AXL: variants seen among roughly 807,000 people sequenced by gnomAD.
AXL encodes tyrosine-protein kinase receptor UFO.
AXL carries 52 observed loss-of-function variants against 104.5 expected under a neutral mutation model. The ratio of observed to expected loss-of-function variants is 0.50; its 90% CI spans 0.40 to 0.63. The LOEUF (loss-of-function observed/expected upper bound fraction) is 0.63. Among genes scored for constraint, AXL ranks in the 20% least tolerant of loss-of-function variants. AXL has a pLI of 0.00. For synonymous variants in AXL, 455 were observed against 473.7 expected (o/e 0.96, Z 0.51); for missense variants, 1,024 against 1,188.5 (o/e 0.86, Z 2.04).
At chr19:41,239,503 TTTACCCGTGCCACACCCTCACTCCC>T (rs1386684105) in intron 9 of AXL, among the ~76,000 whole-genome samples, 166 bp from the exon 10 acceptor site, 20 of 140,876 alleles carry the variant, frequency 1.4e-4, no homozygotes, top group East Asian at 6.3e-4. Flanking sequence ...GCCTCACTCC[TTTACCCGTGCCACACCCTCACTCCC>T]TTACCCGTGC....
intron 1 of AXL, 76 bp from the exon 2 acceptor site, chr19:41,220,560 G>A (rs2033771139): frequency 2.2e-6 from 3 of 1,341,740 alleles, no homozygotes; most frequent in Non-Finnish European, 3.1e-6. Context: ...CCGGTGGGCA[G>A]GCAAGGACAG....
intron 7 of AXL, 25 bp downstream of exon 7, chr19:41,238,179 G>A (rs752897557): frequency 2.4e-5 from 38 of 1,609,098 alleles, no homozygotes; most frequent in Non-Finnish European, 3.0e-5. Context: ...GGAGGGACAC[G>A]TCACCACTGC....
intron 6 of AXL, among the ~76,000 whole-genome samples, chr19:41,232,198 T>C (rs763021521): frequency 2.0e-5 from 3 of 152,158 alleles, no homozygotes; most frequent in Non-Finnish European, 4.4e-5. Flanking sequence ...GCTGTCCCAG[T>C]CACCACTGGC....
intron 4 of AXL, among the ~76,000 whole-genome samples, chr19:41,222,654 C>T (rs959494535): frequency 6.6e-6 from 1 of 152,184 alleles, no homozygotes; most frequent in Admixed American, 6.5e-5. Flanking sequence ...CGCCTGTAAT[C>T]CCAGCACTTT....
chr19:41,233,250 A>C (rs2034023226), intron 6 of AXL, among the ~76,000 whole-genome samples: 2 of 152,026 alleles, frequency 1.3e-5, no homozygotes, highest in African/African-American at 4.8e-5. Context: ...TCGGCCTCCC[A>C]AAGTGCTGGG....
At chr19:41,232,202 C>A (rs764117408) in intron 6 of AXL, among the ~76,000 whole-genome samples, 1 of 152,208 alleles carries the variant, frequency 6.6e-6, no homozygotes, top group African/African-American at 2.4e-5. Context: ...TCCCAGTCAC[C>A]ACTGGCTCCT....
At chr19:41,225,586 G>A (rs1025172331) in intron 4 of AXL, among the ~76,000 whole-genome samples, 1 of 152,204 alleles carries the variant, frequency 6.6e-6, no homozygotes, top group African/African-American at 2.4e-5. Context: ...GTCGCTAGGT[G>A]TTTGTAATCA....
At chr19:41,230,928 C>T in intron 4 of AXL, 39 bp from the exon 5 acceptor site, 1 of 1,603,476 alleles carries the variant, frequency 6.2e-7, no homozygotes, top group East Asian at 2.2e-5. Flanking sequence ...CTTCCTGCCC[C>T]TCTCTGATAT....
At position 41,242,935 on chromosome 19, in the gene AXL, A is replaced by G; in HGVS notation, c.1365A>G (p.Leu455=). 1 of 1,614,148 alleles carries G rather than the reference A, an allele frequency of 6.2e-7. No homozygotes were observed. Among genetic ancestry groups the G allele is most frequent in the Admixed American group, 1.7e-5 (1 of 60,020 alleles). The part of the protein sequence containing the change: ...AFSWPWWYVL[L]GAVVAAACVL... ...CGTGGCCCTGGTGGTATGTACTGCT[A>G]GGAGCAGTCGTGGCCGCTGCCTGTG... Residue 455 remains leucine, a synonymous_variant, in exon 11 of 20, where the codon CTA becomes CTG. Transcript: ENST00000301178.
At chr19:41,223,561 A>G (rs2033829519) in intron 4 of AXL, among the ~76,000 whole-genome samples, 1 of 152,068 alleles carries the variant, frequency 6.6e-6, no homozygotes, top group South Asian at 2.1e-4. Context: ...CGCACTCCCA[A>G]CCTGCTGCCT....
intron 10 of AXL, among the ~76,000 whole-genome samples, chr19:41,241,923 G>T (rs867580066): frequency 1.3e-5 from 2 of 152,092 alleles, no homozygotes; most frequent in Non-Finnish European, 2.9e-5. Context: ...TCCTTAGTCC[G>T]CCCTCCTTGC....
At chr19:41,242,335 T>C (rs2034197559) in intron 10 of AXL, among the ~76,000 whole-genome samples, 1 of 141,702 alleles carries the variant, frequency 7.1e-6, no homozygotes, top group Non-Finnish European at 1.5e-5. Flanking sequence ...TTTTTTTTTT[T>C]TTTTTTGAGA....
At chr19:41,236,817 T>C (rs1045018015) in intron 6 of AXL, among the ~76,000 whole-genome samples, 1 of 151,096 alleles carries the variant, frequency 6.6e-6, no homozygotes, top group Non-Finnish European at 1.5e-5. Flanking sequence ...AGAAATGAGA[T>C]GTATAACATG....
At chr19:41,239,417 C>A in intron 9 of AXL, 103 bp downstream of exon 9, 1 of 1,475,880 alleles carries the variant, frequency 6.8e-7, no homozygotes, top group Admixed American at 2.2e-5. Context: ...AGGCCCTGTT[C>A]CTACCCTGAG....
chr19:41,259,312 T>C (rs914749170), intron 19 of AXL, among the ~76,000 whole-genome samples: 1 of 152,158 alleles, frequency 6.6e-6, no homozygotes, highest in Non-Finnish European at 1.5e-5. Context: ...CTCATCAGAA[T>C]ACTACTCCAT....
rs2034500837 is a variant in AXL, at chr19:41,259,430, G to C, written c.2334-123G>C. On this transcript the variant is annotated intron_variant, in intron 19 of 19. Coordinates refer to ENST00000301178, the MANE Select transcript of AXL (RefSeq NM_021913.5). ...CCCATAGATGGCCTCAAACTGCTGA[G>C]GCTCCCTATAACCCTCTAAAATGCC... 4 of 793,712 alleles carry C rather than the reference G, an allele frequency of 5.0e-6. No homozygotes were observed. In the African/African-American group the frequency reaches 5.2e-5, roughly 10 times the overall value. 49.2% of individuals were successfully genotyped at this position (793,712 alleles called of 1,614,324 possible).
chr19:41,260,794 TAGATTCTAA>T lies in AXL; in HGVS notation c.*899_*907del, dbSNP rs2034527832. The T allele has an allele frequency of 6.6e-6, 1 of 152,206 alleles. No individual in the cohort carries two copies. Among genetic ancestry groups the T allele is most frequent in the African/African-American group, 2.4e-5 (1 of 41,448 alleles). The allele number at this position is 152,206 out of a possible 1,614,324, so 9.4% of individuals were successfully genotyped here. On this transcript the variant is annotated 3_prime_UTR_variant, in exon 20 of 20. Coordinates refer to ENST00000301178, the MANE Select transcript of AXL (RefSeq NM_021913.5). ...TCAGAGTCCTTAAAATGTAAGATTATAGATTCTAAAGATTCTATAGTTCTAGACATGGAG... is the reference window on the plus strand; with the variant it reads ...TCAGAGTCCTTAAAATGTAAGATTATAGATTCTATAGTTCTAGACATGGAG...
chr19:41,242,689 A>C (rs976261245), intron 10 of AXL, among the ~76,000 whole-genome samples, 194 bp from the exon 11 acceptor site: 1 of 151,920 alleles, frequency 6.6e-6, no homozygotes, highest in Non-Finnish European at 1.5e-5. Flanking sequence ...TTTAACCTGC[A>C]CTTGTATCAC....
In AXL at chr19:41,248,610, G is replaced by A. The variant is rs1456472809; in HGVS notation, c.1633+1G>A. ...GCCCTGGGGAAGACTCTGGGAGAGG[G>A]TGAGTCCCCCGGCAGCATACACACA... is the stretch of plus-strand genomic sequence containing the variant. On this transcript the variant is annotated splice_donor_variant, in intron 13 of 19. Transcript: ENST00000301178. LOFTEE classifies it high-confidence loss of function. 6.2e-7 allele frequency: 1 copy of A among 1,614,086 alleles called. No homozygotes were observed. The highest frequency in any genetic ancestry group is 8.5e-7 in the Non-Finnish European group (1 of 1,179,960).
Sources: allele counts gnomAD v4.1 joint callset (sites outside exome capture counted in the v4.1 genomes callset), GRCh38; gene constraint gnomAD v4.1.1; transcripts MANE v1.5; gene names NCBI Gene and HGNC (gene_info 2026-07-23, HGNC 2026-07-21).